PCDH11X: variants seen among roughly 807,000 people sequenced by gnomAD.
PCDH11X encodes the protein protocadherin-11 X-linked.
PCDH11X carries 18 observed loss-of-function variants against 53.3 expected under a neutral mutation model. The ratio of observed to expected loss-of-function variants is 0.34; its 90% CI spans 0.23 to 0.50. The LOEUF is 0.50. Among genes scored for constraint, PCDH11X ranks in the 20% least tolerant of loss-of-function variants. PCDH11X has a pLI of 0.98. For synonymous variants in PCDH11X, 279 were observed against 393.3 expected, an observed-to-expected ratio of 0.71 and a Z score of 3.44; for missense variants, 570 against 1,032.4, an observed-to-expected ratio of 0.55 and a Z score of 6.14.
At chrX:92,131,213 G>A (rs1207506375) in intron 6 of PCDH11X, among the ~76,000 whole-genome samples, 1 of 111,974 alleles carries the variant, frequency 8.9e-6, no homozygotes, top group Non-Finnish European at 1.9e-5. Context: ...TATTAACTGT[G>A]ATTGATATTT....
chrX:92,402,563 G>T lies in PCDH11X; in HGVS notation c.3343+14630G>T, dbSNP rs766313414. Among the ~76,000 whole-genome samples the T allele has an allele frequency of 1.1e-4, 12 of 111,894 alleles. No individual in the cohort carries two copies. The South Asian group carries it at 4.4e-3, about 41-fold the overall frequency. ...AACTCCCTATTCAATAAATGGTGCTGGGATAACTGGCTATATGCAGAAGAT... is the reference window on the plus strand; with the variant it reads ...AACTCCCTATTCAATAAATGGTGCTTGGATAACTGGCTATATGCAGAAGAT... On this transcript the variant is annotated intron_variant, in intron 9 of 10. Transcript: ENST00000682573.
chrX:92,351,412 T>G (rs1003625369), intron 8 of PCDH11X, among the ~76,000 whole-genome samples: 12 of 111,723 alleles, frequency 1.1e-4, no homozygotes, highest in African/African-American at 3.9e-4. Flanking sequence ...TTATATCACC[T>G]GAACCTATGG....
At chrX:92,409,158 G>A (rs1284625207) in intron 9 of PCDH11X, among the ~76,000 whole-genome samples, 1 of 105,974 alleles carries the variant, frequency 9.4e-6, no homozygotes, top group Non-Finnish European at 1.9e-5. Flanking sequence ...TCTCTTGATT[G>A]AGGCTTTACT....
In PCDH11X at chrX:92,575,934, T is replaced by C. The variant is rs1414011244; in HGVS notation, c.3368-42330T>C. ...ATATATATATATATATATATATATA[T>C]ATATATATATACACACACACACACA... is the stretch of plus-strand genomic sequence containing the variant. On this transcript the variant is annotated intron_variant, in intron 10 of 10. Coordinates refer to ENST00000682573, the MANE Select transcript of PCDH11X (RefSeq NM_032968.5). Among the ~76,000 whole-genome samples the C allele has an allele frequency of 6.8e-3, 161 of 23,555 alleles. 6 individuals are homozygous for C. The highest frequency in any genetic ancestry group is 6.6e-3 in the Non-Finnish European group (92 of 13,944). The allele number at this position is 23,555 out of a possible 115,157, so 20.5% of individuals were successfully genotyped here. A position where few individuals can be genotyped will look rare whatever the true frequency, so the allele number is the denominator to read the frequency against.
chrX:91,790,128 G>A (rs376594442), intron 1 of PCDH11X, among the ~76,000 whole-genome samples: 2 of 106,982 alleles, frequency 1.9e-5, no homozygotes, highest in East Asian at 5.9e-4. Flanking sequence ...ATGTGCAATG[G>A]ATGAAAGTTT....
intron 10 of PCDH11X, among the ~76,000 whole-genome samples, chrX:92,508,324 A>C (rs1006977659): frequency 1.8e-5 from 2 of 109,793 alleles, no homozygotes; most frequent in African/African-American, 6.6e-5. Flanking sequence ...CCTGGGTTCA[A>C]GTGATTCTTT....
chrX:91,951,340 C>T (rs1455455733), intron 6 of PCDH11X, among the ~76,000 whole-genome samples: 1 of 110,582 alleles, frequency 9.0e-6, no homozygotes, highest in Admixed American at 9.7e-5. Flanking sequence ...ACTTCATTTT[C>T]TGCAGACTTG....
At chrX:92,601,622 G>T (rs1419482986) in intron 10 of PCDH11X, among the ~76,000 whole-genome samples, 1 of 111,004 alleles carries the variant, frequency 9.0e-6, no homozygotes, top group Non-Finnish European at 1.9e-5. Context: ...ATTCATAGCC[G>T]CATTATTCAC....
At chrX:92,175,776 G>GTGTGTGTGTGTGTGTGTA (rs779454685) in intron 6 of PCDH11X, among the ~76,000 whole-genome samples, 1 of 79,278 alleles carries the variant, frequency 1.3e-5, no homozygotes, top group African/African-American at 4.4e-5. Flanking sequence ...GTGTGTGTGT[G>GTGTGTGTGTGTGTGTGTA]TATATATATA....
intron 6 of PCDH11X, among the ~76,000 whole-genome samples, chrX:92,149,392 G>A (rs1286851331): frequency 2.8e-5 from 3 of 108,183 alleles, no homozygotes; most frequent in South Asian, 8.1e-4. Context: ...TTTGTGACAA[G>A]GATATAGGCT....
intron 5 of PCDH11X, among the ~76,000 whole-genome samples, chrX:91,843,261 T>TGTGTGTG (rs1937553842): frequency 7.0e-5 from 4 of 57,415 alleles, no homozygotes; most frequent in African/African-American, 2.8e-4. Context: ...ACATACATAC[T>TGTGTGTG]TATGTGTGTG....
chrX:92,336,266 C>T (rs2069616559), intron 8 of PCDH11X, among the ~76,000 whole-genome samples: 1 of 111,572 alleles, frequency 9.0e-6, no homozygotes, highest in Admixed American at 9.5e-5. Context: ...GGAGGATTCA[C>T]ACACAAAATT....
In PCDH11X at chrX:92,216,209, G is replaced by C. The variant is rs777422519; in HGVS notation, c.3114+14754G>C. 3.6e-5 allele frequency among the ~76,000 whole-genome samples: 4 copies of C among 110,977 alleles called. No individual in the cohort carries two copies. In the East Asian group the frequency reaches 8.6e-4, roughly 24 times the overall value. Reference sequence around the variant, plus strand: ...AACGGAACAAAGCTGGACAGAGAATGACTTTGACGAGCTGAGAGAAGGCTT... The same window carrying C: ...AACGGAACAAAGCTGGACAGAGAATCACTTTGACGAGCTGAGAGAAGGCTT... On this transcript the variant is annotated intron_variant, in intron 7 of 10. Transcript: ENST00000682573.
chrX:92,420,765 T>C (rs1345167466), intron 9 of PCDH11X, among the ~76,000 whole-genome samples: 15 of 111,726 alleles, frequency 1.3e-4, no homozygotes, highest in Non-Finnish European at 2.8e-4. Context: ...GTGGTGTATC[T>C]GGGCATTGAT....
intron 6 of PCDH11X, among the ~76,000 whole-genome samples, chrX:91,951,688 C>T: frequency 9.4e-6 from 1 of 106,352 alleles, no homozygotes; most frequent in African/African-American, 3.4e-5. Flanking sequence ...TGCAGTCCAA[C>T]AATCACATAA....
At chrX:92,587,287 G>A (rs1924495530) in intron 10 of PCDH11X, among the ~76,000 whole-genome samples, 1 of 110,563 alleles carries the variant, frequency 9.0e-6, no homozygotes. Flanking sequence ...ATTCTGCTTC[G>A]GCATGACATT....
At chrX:91,840,062 G>T (rs998898460) in intron 5 of PCDH11X, among the ~76,000 whole-genome samples, 3 of 110,569 alleles carry the variant, frequency 2.7e-5, no homozygotes, top group African/African-American at 9.8e-5. Context: ...AGTATTTTTT[G>T]ACAGGGAAGC....
chrX:92,216,481 G>A (rs1316041432), intron 7 of PCDH11X, among the ~76,000 whole-genome samples: 2 of 105,644 alleles, frequency 1.9e-5, no homozygotes, highest in South Asian at 4.5e-4. Flanking sequence ...ATGAAATGAA[G>A]TGAGAAGGGA....
At chrX:92,474,696 A>G in intron 10 of PCDH11X, among the ~76,000 whole-genome samples, 1 of 96,800 alleles carries the variant, frequency 1.0e-5, no homozygotes, top group Middle Eastern at 4.8e-3. Flanking sequence ...ATAATTTAAC[A>G]CTGTATAAAC....
Sources: gnomAD v4.1 joint callset for allele counts (sites outside exome capture counted in the v4.1 genomes callset) on GRCh38, gnomAD v4.1.1 for gene constraint, MANE v1.5 for transcripts, NCBI Gene and HGNC (gene_info 2026-07-23, HGNC 2026-07-21) for gene names.